Variants in SLC8A1 observed in about 807,000 individuals in gnomAD.
The protein encoded by SLC8A1 is solute carrier family 8 member A1.
Under a neutral mutation model 68.3 loss-of-function variants are expected in SLC8A1, and 18 were observed. The observed-to-expected ratio is 0.26, with a 90% CI of 0.18 to 0.39. SLC8A1 has a LOEUF of 0.39. SLC8A1 is among the 10% of genes least tolerant of loss of function. SLC8A1 has a pLI of 1.00. For missense variants in SLC8A1, 985 were observed against 1,156.7 expected (o/e 0.85, Z 2.15); for synonymous variants, 475 against 415.5 (o/e 1.14, Z -1.74).
chr2:40,380,755 G>T (rs1229962375), intron 2 of SLC8A1, among the ~76,000 whole-genome samples: 1 of 152,052 alleles, frequency 6.6e-6, no homozygotes, highest in Non-Finnish European at 1.5e-5. Context: ...ATCTGAGGGG[G>T]CTTTTCACAA....
At chr2:40,477,496 A>G (rs146640137) in intron 1 of SLC8A1, among the ~76,000 whole-genome samples, 1 of 152,312 alleles carries the variant, frequency 6.6e-6, no homozygotes, top group African/African-American at 2.4e-5. Flanking sequence ...TGTCTTAGAT[A>G]CGAACCCTCA....
At chr2:40,277,154 T>C (rs36083867) in intron 2 of SLC8A1, among the ~76,000 whole-genome samples, 1 of 152,104 alleles carries the variant, frequency 6.6e-6, no homozygotes, top group Non-Finnish European at 1.5e-5. Context: ...TAATAACACA[T>C]ATTTACATGG....
intron 1 of SLC8A1, among the ~76,000 whole-genome samples, chr2:40,463,897 T>G (rs13406064): frequency 0.35 from 50,163 of 142,778 alleles, 9,614 homozygotes; most frequent in Non-Finnish European, 0.42. Flanking sequence ...CATATATATA[T>G]AGAGAGAGAG....
intron 2 of SLC8A1, among the ~76,000 whole-genome samples, chr2:40,277,832 T>TATATA (rs2066968629): frequency 1.0e-5 from 1 of 99,532 alleles, no homozygotes; most frequent in African/African-American, 3.7e-5. Context: ...ATATATATAT[T>TATATA]TGTAACATAT....
chr2:40,479,024 G>A (rs1374903002), intron 1 of SLC8A1, among the ~76,000 whole-genome samples: 3 of 151,770 alleles, frequency 2.0e-5, no homozygotes, highest in Admixed American at 6.6e-5. Context: ...CGCCTGCCTC[G>A]ACCTCCCAAA....
At chr2:40,385,832 G>C (rs894532746) in intron 2 of SLC8A1, among the ~76,000 whole-genome samples, 5 of 151,154 alleles carry the variant, frequency 3.3e-5, no homozygotes, top group East Asian at 1.9e-4. Context: ...AATTAAAATA[G>C]TCCTGGAAAT....
chr2:40,329,477 A>T (rs926369542), intron 2 of SLC8A1, among the ~76,000 whole-genome samples: 18 of 152,204 alleles, frequency 1.2e-4, no homozygotes, highest in African/African-American at 4.1e-4. Flanking sequence ...CTATTGGAAG[A>T]TCTCTTGCTA....
exon 8 of SLC8A1, chr2:40,097,432 C>T (rs1367995599): frequency 1.3e-5 from 2 of 151,994 alleles, no homozygotes; most frequent in African/African-American, 4.8e-5. Context: ...ACATGTATGA[C>T]AAACAATGCT....
At chr2:40,284,825 T>C (rs1004071771) in intron 2 of SLC8A1, among the ~76,000 whole-genome samples, 7 of 152,130 alleles carry the variant, frequency 4.6e-5, no homozygotes, top group Admixed American at 3.3e-4. Context: ...GTTTATGCAA[T>C]TGAGCAGTAG....
intron 1 of SLC8A1, among the ~76,000 whole-genome samples, chr2:40,460,673 T>G (rs1703290247): frequency 6.6e-6 from 1 of 151,570 alleles, no homozygotes; most frequent in South Asian, 2.1e-4. Context: ...TGGGTTCAAG[T>G]GATTCTCCTG....
At chr2:40,278,498 AAACAAAAAG>A in intron 2 of SLC8A1, among the ~76,000 whole-genome samples, 1 of 151,798 alleles carries the variant, frequency 6.6e-6, no homozygotes, top group Non-Finnish European at 1.5e-5. Flanking sequence ...AAACAAAACA[AAACAAAAAG>A]AAAGAAAAGC....
intron 2 of SLC8A1, among the ~76,000 whole-genome samples, chr2:40,368,229 T>C (rs937758084): frequency 6.6e-6 from 1 of 152,084 alleles, no homozygotes; most frequent in African/African-American, 2.4e-5. Flanking sequence ...TGTGGATGTC[T>C]AACTACAGAA....
At chr2:40,381,604 T>C (rs1681819569) in intron 2 of SLC8A1, among the ~76,000 whole-genome samples, 1 of 152,036 alleles carries the variant, frequency 6.6e-6, no homozygotes, top group Admixed American at 6.6e-5. Flanking sequence ...TCATGATCTC[T>C]GATAACTATG....
chr2:40,274,272 C>T (rs2149152245), intron 2 of SLC8A1, among the ~76,000 whole-genome samples: 1 of 150,584 alleles, frequency 6.6e-6, no homozygotes. Context: ...TGTAGCCCCA[C>T]ATAAATGTAT....
intron 7 of SLC8A1, among the ~76,000 whole-genome samples, chr2:40,127,543 AC>A (rs1371771110): frequency 1.3e-5 from 2 of 152,134 alleles, no homozygotes; most frequent in African/African-American, 2.4e-5. Context: ...AGTTGTGGTT[AC>A]CTGCTTTTTT....
At chr2:40,098,306 C>T (rs550184604) in exon 8 of SLC8A1, 3 of 151,948 alleles carry the variant, frequency 2.0e-5, no homozygotes, top group African/African-American at 4.8e-5. Flanking sequence ...TTTTAAAAGA[C>T]ATCAGTTTGA....
chr2:40,312,274 A>C (rs2073820067), intron 2 of SLC8A1, among the ~76,000 whole-genome samples: 1 of 152,120 alleles, frequency 6.6e-6, no homozygotes, highest in Non-Finnish European at 1.5e-5. Flanking sequence ...TTATTCATGA[A>C]GTTGAAAGCT....
At chr2:40,230,036 G>A (rs149849036) in intron 2 of SLC8A1, among the ~76,000 whole-genome samples, 10 of 152,228 alleles carry the variant, frequency 6.6e-5, no homozygotes, top group Non-Finnish European at 1.5e-4. Flanking sequence ...AGTCCAGAAA[G>A]AAGAACTGAT....
chr2:40,398,459 A>G (rs900950257), intron 2 of SLC8A1, among the ~76,000 whole-genome samples: 6 of 152,250 alleles, frequency 3.9e-5, no homozygotes, highest in Non-Finnish European at 8.8e-5. Flanking sequence ...TTACAATAGC[A>G]ATACAATTTC....
Sources: gnomAD v4.1 joint callset for allele counts (sites outside exome capture counted in the v4.1 genomes callset) on GRCh38, gnomAD v4.1.1 for gene constraint, MANE v1.5 for transcripts, NCBI Gene and HGNC (gene_info 2026-07-23, HGNC 2026-07-21) for gene names.